PCDHA11: variants seen among roughly 807,000 people sequenced by gnomAD.
PCDHA11 encodes protocadherin alpha-11.
Under a neutral mutation model 70.3 loss-of-function variants are expected in PCDHA11, and 61 were observed. The ratio of observed to expected loss-of-function variants is 0.87; its 90% CI spans 0.71 to 1.07. The LOEUF is 1.07. PCDHA11 is among the 50% of genes least tolerant of loss of function. The pLI is 0.00. For missense variants in PCDHA11, 1,324 were observed against 1,237.5 expected, an observed-to-expected ratio of 1.07 and a Z score of -1.05; for synonymous variants, 633 against 555.1, an observed-to-expected ratio of 1.14 and a Z score of -1.97.
chr5:140,899,931 C>G (rs1163496997), intron 1 of PCDHA11, among the ~76,000 whole-genome samples: 1 of 152,112 alleles, frequency 6.6e-6, no homozygotes, highest in African/African-American at 2.4e-5. Context: ...CCTCAGCCTC[C>G]TGAATAGCTG....
chr5:140,896,594 C>G (rs1583238277), intron 1 of PCDHA11, among the ~76,000 whole-genome samples: 1 of 150,950 alleles, frequency 6.6e-6, no homozygotes, highest in Non-Finnish European at 1.5e-5. Flanking sequence ...CCAGGCTGGT[C>G]TCGAACTCCT....
chr5:141,002,649 T>C (rs2098089134), intron 3 of PCDHA11, among the ~76,000 whole-genome samples: 2 of 152,214 alleles, frequency 1.3e-5, no homozygotes, highest in South Asian at 2.1e-4. Context: ...GTCTACTTCA[T>C]AGGGCTCTTG....
rs782239316 is a variant in PCDHA11 at position 140,877,376 on chromosome 5, G to T, written c.2391+5882G>T. 6.2e-6 allele frequency: 10 copies of T among 1,613,896 alleles called. No individual in the cohort carries two copies. The South Asian group carries it at 6.6e-5, about 11-fold the overall frequency. On this transcript the variant is annotated intron_variant, in intron 1 of 3. Transcript: ENST00000398640. The stretch of plus-strand genomic sequence containing the variant: ...TACACTGGCGAGATCAGCACGACAC[G>T]CATCCTGGATGAGGCGGACGCTCCG...
In PCDHA11 at chr5:140,870,574, T is replaced by C. The variant is rs1429082420; in HGVS notation, c.1471T>C (p.Tyr491His). 1 of 1,613,934 alleles carries C rather than the reference T, an allele frequency of 6.2e-7. No homozygotes were observed. The highest frequency in any genetic ancestry group is 8.5e-7 in the Non-Finnish European group (1 of 1,179,970). Reference sequence around the variant, plus strand: ...CGCGCAGGAGAACGCGCTGGTGTCCTACTCGCTGGTGGAGCGGCGGTTGGG... The same window carrying C: ...CGCGCAGGAGAACGCGCTGGTGTCCCACTCGCTGGTGGAGCGGCGGTTGGG... ...ADAQENALVS[Y>H]SLVERRLGDR... is the part of the protein sequence containing the mutation. The change falls in exon 1 of 4, where the codon TAC (tyrosine) becomes CAC (histidine). Residue 491 changes from tyrosine to histidine, a missense_variant. Tyr to His is a moderately conservative substitution (Grantham distance 83, BLOSUM62 2). Transcript: ENST00000398640.
intron 1 of PCDHA11, chr5:140,876,536 T>C (rs782148318): frequency 1.2e-6 from 2 of 1,614,238 alleles, no homozygotes; most frequent in Non-Finnish European, 1.7e-6. Context: ...GTTACTTCAC[T>C]GTCGCTCCCT....
At chr5:140,952,410 T>C (rs2094741343) in intron 1 of PCDHA11, among the ~76,000 whole-genome samples, 1 of 151,978 alleles carries the variant, frequency 6.6e-6, no homozygotes, top group Non-Finnish European at 1.5e-5. Flanking sequence ...TCAAATTTAA[T>C]GTTCCGCAGA....
intron 1 of PCDHA11, chr5:140,882,709 T>G (rs782343997): frequency 6.2e-7 from 1 of 1,614,022 alleles, no homozygotes; most frequent in Non-Finnish European, 8.5e-7. Flanking sequence ...AATCTAGACC[T>G]CCGGAAACTC....
intron 1 of PCDHA11, among the ~76,000 whole-genome samples, chr5:140,903,721 C>A (rs2070530222): frequency 6.6e-6 from 1 of 152,152 alleles, no homozygotes; most frequent in Non-Finnish European, 1.5e-5. Flanking sequence ...ACAATTCTCC[C>A]TATTATCAAT....
At chr5:140,877,002 G>A (rs374546473) in intron 1 of PCDHA11, 96 of 1,612,426 alleles carry the variant, frequency 6.0e-5, no homozygotes, top group Non-Finnish European at 8.0e-5. Flanking sequence ...ACGTGTCGGT[G>A]CACGCGGAGA....
chr5:140,902,290 A>G (rs1252691615), intron 1 of PCDHA11, among the ~76,000 whole-genome samples: 1 of 146,394 alleles, frequency 6.8e-6, no homozygotes, highest in Non-Finnish European at 1.5e-5. Context: ...CTCCTGCCTC[A>G]GCCTCCCAAA....
chr5:140,870,140 C>G lies in PCDHA11; in HGVS notation c.1037C>G (p.Ser346Cys). Residue 346 changes from serine to cysteine, a missense_variant, in exon 1 of 4, where the codon TCT (serine) becomes TGT (cysteine). Physicochemically the swap from Ser to Cys is moderately radical, Grantham distance 112. Coordinates refer to ENST00000398640, the MANE Select transcript of PCDHA11 (RefSeq NM_018902.5). Reference sequence around the variant, plus strand: ...GAAATCTTGGACACCAACGATAACTCTCCTGAAGTCGCCGTGACTTCCTTG... The same window carrying G: ...GAAATCTTGGACACCAACGATAACTGTCCTGAAGTCGCCGTGACTTCCTTG... ...WVEILDTNDN[S>C]PEVAVTSLSL... The G allele has an allele frequency of 6.2e-7, 1 of 1,614,040 alleles. No individual in the cohort carries two copies. The highest frequency in any genetic ancestry group is 8.5e-7 in the Non-Finnish European group (1 of 1,179,974).
chr5:140,939,886 T>C (rs1165679302), intron 1 of PCDHA11, among the ~76,000 whole-genome samples: 1 of 152,242 alleles, frequency 6.6e-6, no homozygotes, highest in Non-Finnish European at 1.5e-5. Flanking sequence ...AGTTGTGTTG[T>C]TCAAATATTC....
At chr5:140,884,354 G>A (rs2060118274) in intron 1 of PCDHA11, 1 of 1,613,952 alleles carries the variant, frequency 6.2e-7, no homozygotes, top group African/African-American at 1.3e-5. Context: ...GCTGGTGGAT[G>A]TCAATGTTTA....
chr5:140,957,694 C>T (rs269548), intron 1 of PCDHA11, among the ~76,000 whole-genome samples: 31,397 of 151,782 alleles, frequency 0.21, 4,012 homozygotes, highest in African/African-American at 0.36. Flanking sequence ...AGACAATGAA[C>T]ATTATGTAGT....
intron 1 of PCDHA11, among the ~76,000 whole-genome samples, chr5:140,962,132 C>A (rs1018234897): frequency 3.3e-5 from 5 of 152,104 alleles, no homozygotes; most frequent in Admixed American, 3.3e-4. Flanking sequence ...GCCTCGGCCT[C>A]CCAAAGTGCT....
At chr5:140,955,401 A>T (rs1202478496) in intron 1 of PCDHA11, among the ~76,000 whole-genome samples, 2 of 152,122 alleles carry the variant, frequency 1.3e-5, no homozygotes, top group African/African-American at 4.8e-5. Flanking sequence ...TATCCCATAC[A>T]GTTCTCATGA....
At chr5:140,988,489 C>G (rs1197670303) in intron 3 of PCDHA11, among the ~76,000 whole-genome samples, 4 of 152,134 alleles carry the variant, frequency 2.6e-5, no homozygotes, top group Non-Finnish European at 5.9e-5. Flanking sequence ...CATCCCCTAC[C>G]TAGGAGAAGC....
chr5:141,007,435 G>A (rs1342767950), intron 3 of PCDHA11, among the ~76,000 whole-genome samples: 1 of 150,972 alleles, frequency 6.6e-6, no homozygotes, highest in Non-Finnish European at 1.5e-5. Flanking sequence ...AGGCATGGTG[G>A]CATGTGCCTG....
At chr5:140,965,312 C>G (rs543157988) in intron 1 of PCDHA11, among the ~76,000 whole-genome samples, 1 of 152,258 alleles carries the variant, frequency 6.6e-6, no homozygotes, top group East Asian at 1.9e-4. Context: ...TCTACCTTCT[C>G]TTTTACTGAA....
Sources: gnomAD v4.1 joint callset for allele counts (sites outside exome capture counted in the v4.1 genomes callset) on GRCh38, gnomAD v4.1.1 for gene constraint, MANE v1.5 for transcripts, NCBI Gene and HGNC (gene_info 2026-07-23, HGNC 2026-07-21) for gene names.